The following DNAJB4 variants were observed in gnomAD, a reference collection of about 807,000 sequenced individuals.
DNAJB4 encodes DnaJ heat shock protein family (Hsp40) member B4, also known as dnaJ homolog subfamily B member 4.
In DNAJB4, 10 loss-of-function variants were observed where a neutral mutation model predicts 26.6. That is an observed-to-expected ratio of 0.38 (90% CI 0.23 to 0.64). DNAJB4 has a LOEUF of 0.64. Ranked by LOEUF, DNAJB4 falls within the 30% of genes least tolerant of loss-of-function variation. DNAJB4 has a pLI of 0.58. For synonymous variants in DNAJB4, 136 were observed against 134.8 expected, an observed-to-expected ratio of 1.01 and a Z score of -0.06; for missense variants, 328 against 408.2, an observed-to-expected ratio of 0.80 and a Z score of 1.69.
At chr1:77,997,968 C>T (rs762920634) in intron 1 of DNAJB4, among the ~76,000 whole-genome samples, 1 of 151,868 alleles carries the variant, frequency 6.6e-6, no homozygotes, top group East Asian at 1.9e-4. Context: ...TGTATTTTCA[C>T]GGGGTTTTAC....
upstream of DNAJB4, among the ~76,000 whole-genome samples, chr1:77,979,884 T>G (rs921522015): frequency 1.6e-4 from 25 of 152,124 alleles, no homozygotes; most frequent in East Asian, 9.7e-4. Context: ...AAGGGTTTTT[T>G]TTTGTTTGTT....
chr1:77,996,346 A>G (rs1194677355), intron 1 of DNAJB4, among the ~76,000 whole-genome samples: 1 of 151,924 alleles, frequency 6.6e-6, no homozygotes, highest in Non-Finnish European at 1.5e-5. Flanking sequence ...TAGGGATGGA[A>G]TTCTCACTTT....
At chr1:78,002,703 A>T (rs1002637801), upstream of DNAJB4, among the ~76,000 whole-genome samples, 2 of 152,194 alleles carry the variant, frequency 1.3e-5, no homozygotes, top group African/African-American at 2.4e-5. Context: ...TTGTATTAAT[A>T]CAACAATCAC....
intron 1 of DNAJB4, among the ~76,000 whole-genome samples, chr1:78,009,021 G>T (rs58391568): frequency 0.06 from 9,046 of 149,654 alleles, 730 homozygotes; most frequent in African/African-American, 0.19. Context: ...AATATTAAAA[G>T]GTAGTGTTTA....
At chr1:77,983,278 A>T (rs1001263660) in intron 1 of DNAJB4, among the ~76,000 whole-genome samples, 3 of 152,172 alleles carry the variant, frequency 2.0e-5, no homozygotes, top group Admixed American at 6.5e-5. Flanking sequence ...TCCCTATCTC[A>T]GTAGATGGAA....
Position 77,983,077 on chromosome 1 carries a change from G to A in DNAJB4, c.-32+2755G>A, listed in dbSNP as rs368930506. ...TCATTCGTGGGTGTTTCTCGAAGAG[G>A]GGGATGTGTCAGGGTCACAAGACAA... On this transcript the variant is annotated intron_variant, in intron 1 of 2. Transcript: ENST00000426517. 2.0e-5 allele frequency among the ~76,000 whole-genome samples: 3 copies of A among 152,322 alleles called. No individual in the cohort carries two copies. In the East Asian group the frequency reaches 5.8e-4, roughly 29 times the overall value.
Position 78,016,980 on chromosome 1 carries a change from A to G in DNAJB4, c.*733A>G, listed in dbSNP as rs929138760. ...ATATATCTTGTACTTAATAAATTAT[A>G]GGCTCATTTTGTTCTCTGCTAGTTT... On this transcript the variant is annotated 3_prime_UTR_variant, in exon 3 of 3. Coordinates refer to ENST00000370763, the MANE Select transcript of DNAJB4 (RefSeq NM_007034.5). The G allele has an allele frequency of 1.3e-5, 2 of 152,142 alleles. No individual in the cohort carries two copies. Among genetic ancestry groups the G allele is most frequent in the African/African-American group, 4.8e-5 (2 of 41,466 alleles). 9.4% of individuals were successfully genotyped at this position (152,142 alleles called of 1,614,324 possible). A position where few individuals can be genotyped will look rare whatever the true frequency, so the allele number is the denominator to read the frequency against.
At chr1:77,990,460 G>T (rs1659904901) in intron 1 of DNAJB4, among the ~76,000 whole-genome samples, 1 of 152,092 alleles carries the variant, frequency 6.6e-6, no homozygotes, top group African/African-American at 2.4e-5. Flanking sequence ...TTGGTTTTTG[G>T]TGAGTCAAAA....
chr1:77,993,218 C>T (rs1460915936), intron 1 of DNAJB4, among the ~76,000 whole-genome samples: 1 of 152,202 alleles, frequency 6.6e-6, no homozygotes, highest in Non-Finnish European at 1.5e-5. Context: ...GCCATACAGT[C>T]TCTGCTGCAG....
intron 2 of DNAJB4, 100 bp downstream of exon 2, chr1:78,013,719 T>C (rs1268179615): frequency 5.4e-6 from 5 of 929,168 alleles, no homozygotes; most frequent in East Asian, 5.0e-5. Flanking sequence ...ATGCCTATTA[T>C]ACGTTAAAAA....
At chr1:77,993,230 TACTCA>T (rs1404556725) in intron 1 of DNAJB4, among the ~76,000 whole-genome samples, 1 of 152,226 alleles carries the variant, frequency 6.6e-6, no homozygotes, top group Non-Finnish European at 1.5e-5. Context: ...CTGCTGCAGC[TACTCA>T]ACTCTACCGC....
intron 1 of DNAJB4, among the ~76,000 whole-genome samples, chr1:77,994,313 A>G (rs1571430338): frequency 6.6e-6 from 1 of 151,688 alleles, no homozygotes; most frequent in African/African-American, 2.4e-5. Context: ...TGGGAGGACT[A>G]CTTGAGCCCC....
At chr1:78,000,903 A>T (rs950680743), upstream of DNAJB4, among the ~76,000 whole-genome samples, 1 of 152,096 alleles carries the variant, frequency 6.6e-6, no homozygotes, top group African/African-American at 2.4e-5. Flanking sequence ...GATTTCTTAA[A>T]ACCCGGGAGG....
At chr1:77,988,403 T>A (rs1044655989) in intron 1 of DNAJB4, among the ~76,000 whole-genome samples, 1 of 152,124 alleles carries the variant, frequency 6.6e-6, no homozygotes, top group Middle Eastern at 3.2e-3. Context: ...CGCGTAAAAC[T>A]CTCCAATGGC....
At chr1:77,986,496 CTTTCCT>C (rs1659794332) in intron 1 of DNAJB4, among the ~76,000 whole-genome samples, 1 of 152,158 alleles carries the variant, frequency 6.6e-6, no homozygotes, top group Non-Finnish European at 1.5e-5. Flanking sequence ...TACTTGCTGG[CTTTCCT>C]TCTTTGCCAT....
At chr1:78,001,300 A>G (rs1379347692), upstream of DNAJB4, among the ~76,000 whole-genome samples, 2 of 151,878 alleles carry the variant, frequency 1.3e-5, no homozygotes, top group African/African-American at 2.4e-5. Flanking sequence ...TGATTGTGCC[A>G]CTTCACTGCA....
At chr1:77,991,611 C>T (rs970750433) in intron 1 of DNAJB4, among the ~76,000 whole-genome samples, 1 of 152,164 alleles carries the variant, frequency 6.6e-6, no homozygotes, top group African/African-American at 2.4e-5. Context: ...AATGAACTAG[C>T]TGAGGTTGAA....
intron 1 of DNAJB4, among the ~76,000 whole-genome samples, chr1:77,993,239 C>G (rs1301478011): frequency 6.6e-6 from 1 of 152,206 alleles, no homozygotes; most frequent in Non-Finnish European, 1.5e-5. Context: ...CTACTCAACT[C>G]TACCGCTGTC....
intron 1 of DNAJB4, among the ~76,000 whole-genome samples, chr1:78,012,478 A>T (rs180825746): frequency 7.0e-6 from 1 of 142,432 alleles, no homozygotes; most frequent in African/African-American, 2.5e-5. Flanking sequence ...TATTTTTCTT[A>T]CTTACCCGTG....
Sources: gnomAD v4.1 joint callset for allele counts (sites outside exome capture counted in the v4.1 genomes callset) on GRCh38, gnomAD v4.1.1 for gene constraint, MANE v1.5 for transcripts, NCBI Gene and HGNC (gene_info 2026-07-23, HGNC 2026-07-21) for gene names.